ZNF626: variants seen among roughly 807,000 people sequenced by gnomAD.
The protein encoded by ZNF626 is zinc finger protein 626.
A neutral mutation model predicts 11.7 loss-of-function variants in ZNF626; 4 were observed. That is an observed-to-expected ratio of 0.34 (90% CI 0.17 to 0.78). ZNF626 has a LOEUF of 0.78. ZNF626 is among the 30% of genes least tolerant of loss of function. The probability of loss-of-function intolerance (pLI) is 0.57; values close to 1 mark genes in which losing one functional copy is unlikely to be tolerated. For missense variants in ZNF626, 588 were observed against 587.1 expected (o/e 1.00, Z -0.01); for synonymous variants, 179 against 198.6 (o/e 0.90, Z 0.83).
chr19:20,622,299 T>C lies in ZNF626; in HGVS notation c.*1991A>G, dbSNP rs1461234391. ...CGTAACAGTAAAATTAGTAAAATAA[T>C]TGATATACTTTAATTTATAATTTCT... On this transcript the variant is annotated 3_prime_UTR_variant, in exon 4 of 4. Coordinates refer to ENST00000601440, the MANE Select transcript of ZNF626 (RefSeq NM_001076675.3). The C allele has an allele frequency of 2.0e-5, 3 of 152,226 alleles. No individual in the cohort carries two copies. Among genetic ancestry groups the C allele is most frequent in the Non-Finnish European group, 4.4e-5 (3 of 68,048 alleles). The allele number at this position is 152,226 out of a possible 1,614,324, so 9.4% of individuals were successfully genotyped here.
intron 3 of ZNF626, among the ~76,000 whole-genome samples, chr19:20,637,468 G>C (rs1555771028): frequency 4.3e-5 from 6 of 138,532 alleles, no homozygotes; most frequent in Non-Finnish European, 9.1e-5. Context: ...CTGGACAACA[G>C]AGTGACACTC....
rs868987775 is a variant in ZNF626, at chr19:20,624,884, A to T, written c.993T>A (p.His331Gln). The part of the protein sequence containing the change: ...AFKYSYTLTT[H>Q]KRIHTEDKPY... ...GTTTGTCTTCAGTATGAATTCTTTT[A>T]TGTGTAGTAAGGGTATAGGAGTACT... Residue 331 changes from histidine (H) to glutamine (Q), a missense_variant, in exon 4 of 4, where the codon CAT (histidine) becomes CAA (glutamine). By Grantham distance (24) the His-to-Gln change is conservative. This residue lies in a region of ZNF626 where 524 missense variants were observed against 470.1 expected (regional missense o/e 1.11). Coordinates refer to ENST00000601440, the MANE Select transcript of ZNF626 (RefSeq NM_001076675.3). The T allele has an allele frequency of 1.2e-5, 19 of 1,613,514 alleles. No individual in the cohort carries two copies. In the Middle Eastern group the frequency reaches 6.6e-4, roughly 56 times the overall value.
At chr19:20,635,664 A>C (rs998171894) in intron 3 of ZNF626, among the ~76,000 whole-genome samples, 1 of 152,236 alleles carries the variant, frequency 6.6e-6, no homozygotes, top group Non-Finnish European at 1.5e-5. Flanking sequence ...TTTGACACAT[A>C]ACGCATAAGT....
intron 3 of ZNF626, among the ~76,000 whole-genome samples, chr19:20,628,389 CCCA>C: frequency 6.6e-6 from 1 of 152,192 alleles, no homozygotes; most frequent in East Asian, 1.9e-4. Context: ...AGTTTACAGT[CCCA>C]CCAACAGTGT....
At chr19:20,633,771 C>T (rs1293592469) in intron 3 of ZNF626, among the ~76,000 whole-genome samples, 2 of 152,190 alleles carry the variant, frequency 1.3e-5, no homozygotes, top group Admixed American at 6.5e-5. Flanking sequence ...TGCTTTGGCT[C>T]GTGCACAGTG....
chr19:20,659,332 A>G (rs1224249787), intron 1 of ZNF626, among the ~76,000 whole-genome samples: 1 of 151,744 alleles, frequency 6.6e-6, no homozygotes, highest in East Asian at 1.9e-4. Context: ...CTCTGTCTCC[A>G]TGGTTCAAGC....
At chr19:20,632,328 T>C (rs1464970204) in intron 3 of ZNF626, among the ~76,000 whole-genome samples, 2 of 152,210 alleles carry the variant, frequency 1.3e-5, no homozygotes, top group African/African-American at 4.8e-5. Context: ...GATTTGAATG[T>C]TGGTCTGCCT....
chr19:20,646,442 C>T (rs782430065), intron 1 of ZNF626, 37 bp from the exon 2 acceptor site: 2 of 1,612,830 alleles, frequency 1.2e-6, no homozygotes, highest in Non-Finnish European at 1.7e-6. Context: ...TACCAAGTGG[C>T]CATGGGCGGA....
chr19:20,648,447 G>C (rs1156419292), intron 1 of ZNF626, among the ~76,000 whole-genome samples: 1 of 150,726 alleles, frequency 6.6e-6, no homozygotes, highest in Non-Finnish European at 1.5e-5. Flanking sequence ...CGCAATCTCG[G>C]CTCACTGCAA....
At position 20,623,796 on chromosome 19, in the gene ZNF626, A is replaced by T. The variant is rs1969784321; in HGVS notation, c.*494T>A. The T allele has an allele frequency of 1.1e-5, 2 of 178,650 alleles. No individual in the cohort carries two copies. Among genetic ancestry groups the T allele is most frequent in the Admixed American group, 1.9e-4 (2 of 10,528 alleles). The allele number at this position is 178,650 out of a possible 1,614,324, so 11.1% of individuals were successfully genotyped here. ...ACTGGGTGACAAGAGTTGAAACTCCATCTCAAAAAAAAAAAAAAAAAGACA... is the reference window on the plus strand; with the variant it reads ...ACTGGGTGACAAGAGTTGAAACTCCTTCTCAAAAAAAAAAAAAAAAAGACA... On this transcript the variant is annotated 3_prime_UTR_variant, in exon 4 of 4. Transcript: ENST00000601440.
At chr19:20,656,460 GCTT>G (rs782316303) in intron 1 of ZNF626, among the ~76,000 whole-genome samples, 8 of 152,062 alleles carry the variant, frequency 5.3e-5, no homozygotes, top group Admixed American at 1.3e-4. Flanking sequence ...AAACTAAAGA[GCTT>G]CTTCACAGCA....
At chr19:20,651,668 A>G (rs556596174) in intron 1 of ZNF626, among the ~76,000 whole-genome samples, 1 of 152,192 alleles carries the variant, frequency 6.6e-6, no homozygotes, top group African/African-American at 2.4e-5. Context: ...AAAGACCACT[A>G]GATGATTGTG....
At chr19:20,628,403 A>G (rs1330845027) in intron 3 of ZNF626, among the ~76,000 whole-genome samples, 38 of 152,234 alleles carry the variant, frequency 2.5e-4, no homozygotes, top group Admixed American at 1.6e-3. Flanking sequence ...CCAACAGTGT[A>G]AAAGTGTTCC....
At chr19:20,656,086 C>T (rs570616134) in intron 1 of ZNF626, among the ~76,000 whole-genome samples, 3 of 151,984 alleles carry the variant, frequency 2.0e-5, no homozygotes, top group South Asian at 4.1e-4. Flanking sequence ...ATATGAAATC[C>T]GTAAGTGCAC....
intron 3 of ZNF626, among the ~76,000 whole-genome samples, chr19:20,626,759 A>G (rs1473710934): frequency 1.3e-5 from 2 of 152,082 alleles, no homozygotes; most frequent in Non-Finnish European, 2.9e-5. Flanking sequence ...TCATGCCTGT[A>G]ATCGCAGCAA....
intron 3 of ZNF626, among the ~76,000 whole-genome samples, chr19:20,643,030 T>G (rs1038280609): frequency 1.3e-5 from 2 of 151,004 alleles, no homozygotes; most frequent in East Asian, 3.9e-4. Flanking sequence ...AAAAAAAAAT[T>G]TGTTGAAGTA....
At chr19:20,642,483 C>G (rs557763183) in intron 3 of ZNF626, among the ~76,000 whole-genome samples, 263 of 152,160 alleles carry the variant, frequency 1.7e-3, no homozygotes, top group Middle Eastern at 3.4e-3. Flanking sequence ...GTAGTCCCAG[C>G]TATTCCGGAG....
chr19:20,645,554 A>T, intron 3 of ZNF626, 130 bp downstream of exon 3: 1 of 1,551,016 alleles, frequency 6.4e-7, no homozygotes, highest in Non-Finnish European at 8.7e-7. Context: ...AACAAACAAA[A>T]AATAGCTGCC....
chr19:20,657,282 G>A (rs1599488939), intron 1 of ZNF626, among the ~76,000 whole-genome samples: 1 of 152,188 alleles, frequency 6.6e-6, no homozygotes, highest in African/African-American at 2.4e-5. Flanking sequence ...GGAGGATGAG[G>A]TAGGAGAGAA....
Sources: allele counts gnomAD v4.1 joint callset (sites outside exome capture counted in the v4.1 genomes callset), GRCh38; gene constraint gnomAD v4.1.1; regional missense constraint gnomAD v4.1.1; transcripts MANE v1.5; gene names NCBI Gene and HGNC (gene_info 2026-07-23, HGNC 2026-07-21).